LRRK2: variants seen among roughly 807,000 people sequenced by gnomAD.
LRRK2 encodes the protein leucine-rich repeat serine/threonine-protein kinase 2.
In LRRK2, 203 loss-of-function variants were observed where a neutral mutation model predicts 302.6. The ratio of observed to expected loss-of-function variants is 0.67; its 90% CI spans 0.60 to 0.75. The LOEUF (loss-of-function observed/expected upper bound fraction) is 0.75. LRRK2 is among the 30% of genes least tolerant of loss of function. The probability of loss-of-function intolerance (pLI) is 0.00; values close to 1 mark genes in which losing one functional copy is unlikely to be tolerated. For synonymous variants in LRRK2, 1,066 were observed against 1,031.9 expected (o/e 1.03, Z -0.63); for missense variants, 2,830 against 2,951.0 (o/e 0.96, Z 0.95).
chr12:40,263,832 G>T lies in LRRK2; in HGVS notation c.1587G>T (p.Lys529Asn). The change falls in exon 14 of 51, where the codon AAG becomes AAT. Residue 529 changes from lysine (K) to asparagine (N), a missense_variant. This residue lies in a region of LRRK2 where 2,121 missense variants were observed against 2,148.0 expected (regional missense o/e 0.99). Transcript: ENST00000298910. ...GGGAGGATACAGAATTTCATCATAA[G>T]CTAAATATGGTTAAAAAACAGTGTT... The part of the protein sequence containing the change: ...ESREDTEFHH[K>N]LNMVKKQCFK... 1 of 1,613,246 alleles carries T rather than the reference G, an allele frequency of 6.2e-7. No homozygotes were observed.
chr12:40,340,236 C>T (rs1945998126), intron 40 of LRRK2, 58 bp from the exon 41 acceptor site: 3 of 1,570,758 alleles, frequency 1.9e-6, no homozygotes, highest in South Asian at 1.1e-5. Flanking sequence ...GAAATTAGGA[C>T]AAAAATTATT....
Position 40,233,767 on chromosome 12 carries a change from C to T in LRRK2, c.347+1384C>T, listed in dbSNP as rs112641618. Among the ~76,000 whole-genome samples, 850 of 152,286 alleles carry T rather than the reference C, an allele frequency of 5.6e-3. 11 individuals carry two copies. Among genetic ancestry groups the T allele is most frequent in the African/African-American group, 0.019 (800 of 41,546 alleles). ...AAACTCATCTAGTCATATTCCTGTACAAACCAACTGTTCAAATTAAATTAC... is the reference window on the plus strand; with the variant it reads ...AAACTCATCTAGTCATATTCCTGTATAAACCAACTGTTCAAATTAAATTAC... On this transcript the variant is annotated intron_variant, in intron 3 of 50. Coordinates refer to ENST00000298910, the MANE Select transcript of LRRK2 (RefSeq NM_198578.4).
In LRRK2 at chr12:40,367,513, A is replaced by T. The variant is rs12426498; in HGVS notation, c.7463-131A>T. The T allele has an allele frequency of 0.072, 50,669 of 704,456 alleles. 2,171 individuals carry two copies. The highest frequency in any genetic ancestry group is 0.13 in the Admixed American group (3,658 of 27,644). The allele number at this position is 704,456 out of a possible 1,614,324, so 43.6% of individuals were successfully genotyped here. A position where few individuals can be genotyped will look rare whatever the true frequency, so the allele number is the denominator to read the frequency against. The stretch of plus-strand genomic sequence containing the variant: ...AGTTTTTTATAAATAATAATTTAGT[A>T]CATTAGTTATAGCTGTGTTTATATT... On this transcript the variant is annotated intron_variant, in intron 50 of 50. Transcript: ENST00000298910.
intron 25 of LRRK2, among the ~76,000 whole-genome samples, chr12:40,300,503 A>G (rs1944583300): frequency 6.6e-6 from 1 of 152,218 alleles, no homozygotes; most frequent in African/African-American, 2.4e-5. Flanking sequence ...ATATGGCTTA[A>G]CTACTTATTA....
chr12:40,301,894 G>A (rs531715086), intron 25 of LRRK2, among the ~76,000 whole-genome samples: 1 of 152,144 alleles, frequency 6.6e-6, no homozygotes, highest in Admixed American at 6.5e-5. Context: ...AATTCATAAA[G>A]TAGGCCAGGC....
intron 7 of LRRK2, among the ~76,000 whole-genome samples, chr12:40,247,182 T>A (rs1323975948): frequency 6.6e-6 from 1 of 152,120 alleles, no homozygotes; most frequent in Non-Finnish European, 1.5e-5. Context: ...CATGATTATA[T>A]CCCCTGTGTA....
At chr12:40,225,473 T>C in intron 1 of LRRK2, 82 bp from the exon 2 acceptor site, 1 of 1,363,332 alleles carries the variant, frequency 7.3e-7, no homozygotes, top group East Asian at 2.3e-5. Context: ...TTTTTGACTT[T>C]TCTCCCCGTT....
intron 10 of LRRK2, among the ~76,000 whole-genome samples, chr12:40,252,376 A>T (rs1460122418): frequency 6.6e-6 from 1 of 152,206 alleles, no homozygotes; most frequent in East Asian, 1.9e-4. Flanking sequence ...ATTCTTTTGA[A>T]AACTATGCTA....
chr12:40,286,697 G>T (rs1337805865), intron 19 of LRRK2: 8 of 153,346 alleles, frequency 5.2e-5, no homozygotes, highest in Admixed American at 5.2e-4. Flanking sequence ...AGTCATTACA[G>T]TAGTAATATT....
chr12:40,290,978 C>T (rs1363468309), intron 20 of LRRK2, among the ~76,000 whole-genome samples: 3 of 151,832 alleles, frequency 2.0e-5, no homozygotes, highest in Non-Finnish European at 4.4e-5. Context: ...TCACTGCATC[C>T]CAATATTTTG....
intron 14 of LRRK2, 109 bp from the exon 15 acceptor site, chr12:40,274,474 T>C (rs913747108): frequency 1.8e-6 from 2 of 1,138,242 alleles, no homozygotes; most frequent in Non-Finnish European, 2.6e-6. Context: ...TCAAGGATAC[T>C]GATTTATATT....
At position 40,350,935 on chromosome 12, in the gene LRRK2, G is replaced by A. The variant is rs185717599; in HGVS notation, c.6382-604G>A. On this transcript the variant is annotated intron_variant, in intron 43 of 50. Transcript: ENST00000298910. ...AATATAACATATACTAGGCAAGACA[G>A]GAAAACTCATCACTTTTATGAAATG... Among the ~76,000 whole-genome samples, 30 of 152,108 alleles carry A rather than the reference G, an allele frequency of 2.0e-4. No individual in the cohort carries two copies. In the East Asian group the frequency reaches 3.5e-3, roughly 18 times the overall value.
chr12:40,292,817 T>TAA (rs1944210543), intron 20 of LRRK2, among the ~76,000 whole-genome samples: 2 of 152,002 alleles, frequency 1.3e-5, no homozygotes, highest in Non-Finnish European at 2.9e-5. Context: ...TTAATATGAT[T>TAA]TTTTTATTGA....
intron 11 of LRRK2, among the ~76,000 whole-genome samples, chr12:40,253,261 A>G (rs1232699503): frequency 6.6e-6 from 1 of 152,208 alleles, no homozygotes; most frequent in African/African-American, 2.4e-5. Flanking sequence ...CATGACATAT[A>G]CAAAATTTTA....
chr12:40,277,287 G>A (rs1943497431), intron 16 of LRRK2, among the ~76,000 whole-genome samples: 1 of 152,130 alleles, frequency 6.6e-6, no homozygotes, highest in South Asian at 2.1e-4. Context: ...GCTTAAGGTG[G>A]TTCTAAAAAA....
At chr12:40,308,347 G>A in intron 28 of LRRK2, 120 bp from the exon 29 acceptor site, 1 of 707,420 alleles carries the variant, frequency 1.4e-6, no homozygotes, top group East Asian at 2.7e-5. Context: ...TTAGTTATAT[G>A]AGATATGCAC....
At chr12:40,251,073 G>A (rs377025451) in intron 8 of LRRK2, among the ~76,000 whole-genome samples, 159 bp from the exon 9 acceptor site, 13 of 150,036 alleles carry the variant, frequency 8.7e-5, no homozygotes, top group Non-Finnish European at 1.2e-4. Flanking sequence ...ATTATGAGAC[G>A]TATAATATAT....
intron 33 of LRRK2, 120 bp from the exon 34 acceptor site, chr12:40,319,868 A>C: frequency 1.1e-6 from 1 of 909,196 alleles, no homozygotes; most frequent in East Asian, 2.5e-5. Flanking sequence ...ACTGTGTTGC[A>C]CTTGAAAACA....
At chr12:40,236,178 A>G (rs1036793150) in intron 4 of LRRK2, among the ~76,000 whole-genome samples, 11 of 152,142 alleles carry the variant, frequency 7.2e-5, no homozygotes, top group African/African-American at 2.7e-4. Context: ...GTTCTGGAGT[A>G]TGCCATAATC....
Sources: allele counts gnomAD v4.1 joint callset (sites outside exome capture counted in the v4.1 genomes callset), GRCh38; gene constraint gnomAD v4.1.1; regional missense constraint gnomAD v4.1.1; transcripts MANE v1.5; gene names NCBI Gene and HGNC (gene_info 2026-07-23, HGNC 2026-07-21).